MAST4: variants seen among roughly 807,000 people sequenced by gnomAD.
The protein encoded by MAST4 is microtubule associated serine/threonine kinase family member 4, also known as microtubule-associated serine/threonine-protein kinase 4.
MAST4 carries 89 observed loss-of-function variants against 162.7 expected under a neutral mutation model. The observed-to-expected ratio is 0.55, with a 90% CI of 0.46 to 0.65. MAST4 has a LOEUF of 0.65. Ranked by LOEUF, MAST4 falls within the 30% of genes least tolerant of loss-of-function variation. The pLI, the probability that MAST4 is intolerant of heterozygous loss-of-function variation, is 0.00. For synonymous variants in MAST4, 1,479 were observed against 1,361.1 expected (o/e 1.09, Z -1.91); for missense variants, 3,153 against 3,374.0 (o/e 0.93, Z 1.62).
At chr5:66,947,836 C>T (rs1214866943) in intron 4 of MAST4, among the ~76,000 whole-genome samples, 1 of 152,044 alleles carries the variant, frequency 6.6e-6, no homozygotes, top group Non-Finnish European at 1.5e-5. Context: ...CAAGAATTTC[C>T]CCTCTTTAGA....
chr5:66,967,557 C>G (rs758189440), intron 4 of MAST4, among the ~76,000 whole-genome samples: 47 of 151,902 alleles, frequency 3.1e-4, no homozygotes, highest in South Asian at 1.2e-3. Flanking sequence ...TGGGCTGCCT[C>G]ATCAGACCAT....
At chr5:66,735,331 G>A (rs558152819) in intron 1 of MAST4, among the ~76,000 whole-genome samples, 21 of 150,216 alleles carry the variant, frequency 1.4e-4, no homozygotes, top group Non-Finnish European at 2.4e-4. Flanking sequence ...GTTTCATGCA[G>A]GTTTCATTTT....
At chr5:66,858,357 G>A (rs1044486016) in intron 3 of MAST4, among the ~76,000 whole-genome samples, 1 of 152,024 alleles carries the variant, frequency 6.6e-6, no homozygotes, top group African/African-American at 2.4e-5. Context: ...TAATTCATCT[G>A]ATTTTTGAGT....
intron 5 of MAST4, among the ~76,000 whole-genome samples, chr5:67,059,522 G>A (rs562535013): frequency 6.6e-6 from 1 of 152,320 alleles, no homozygotes; most frequent in African/African-American, 2.4e-5. Context: ...AGCTCTAAGA[G>A]TGATACTTAA....
At chr5:66,919,660 G>GA (rs56802433) in intron 4 of MAST4, among the ~76,000 whole-genome samples, 36,010 of 96,752 alleles carry the variant, frequency 0.37, 6,031 homozygotes, top group Non-Finnish European at 0.44. Flanking sequence ...CTCCGTCACA[G>GA]AAAAAAAAAA....
chr5:66,962,333 A>T (rs1299529305), intron 4 of MAST4, among the ~76,000 whole-genome samples: 3 of 152,176 alleles, frequency 2.0e-5, no homozygotes, highest in Non-Finnish European at 4.4e-5. Flanking sequence ...AGTTCTTGCT[A>T]CTCAGGATGC....
chr5:66,695,852 T>C (rs896898166), intron 1 of MAST4, among the ~76,000 whole-genome samples: 3 of 152,094 alleles, frequency 2.0e-5, no homozygotes, highest in African/African-American at 7.2e-5. Context: ...CCATTATTGG[T>C]TATATACCCA....
chr5:66,616,277 C>A (rs1212776563), intron 1 of MAST4, among the ~76,000 whole-genome samples: 2 of 152,142 alleles, frequency 1.3e-5, no homozygotes, highest in African/African-American at 4.8e-5. Flanking sequence ...GTGACCACCC[C>A]CTACCTCCCA....
chr5:67,097,220 T>TA (rs1764565881), intron 7 of MAST4, among the ~76,000 whole-genome samples: 1 of 152,194 alleles, frequency 6.6e-6, no homozygotes, highest in African/African-American at 2.4e-5. Flanking sequence ...GTGAGCTACA[T>TA]AAAATCAGAC....
chr5:67,104,640 T>G (rs969927315), intron 10 of MAST4, 65 bp downstream of exon 10: 11 of 1,317,870 alleles, frequency 8.3e-6, no homozygotes, highest in African/African-American at 1.5e-5. Flanking sequence ...AATTTTTTTT[T>G]GCTTACAAGT....
intron 1 of MAST4, among the ~76,000 whole-genome samples, chr5:66,692,411 C>CTTTTTTTTTT (rs34946179): frequency 6.9e-6 from 1 of 145,420 alleles, no homozygotes. Context: ...CTCTTGCTCT[C>CTTTTTTTTTT]TTTTTTTTTT....
intron 1 of MAST4, among the ~76,000 whole-genome samples, chr5:66,689,437 G>A (rs563051202): frequency 2.0e-4 from 31 of 152,252 alleles, no homozygotes; most frequent in Admixed American, 2.0e-3. Context: ...GCCTACTCTT[G>A]CCATTCCTGT....
intron 3 of MAST4, among the ~76,000 whole-genome samples, chr5:66,848,871 G>A (rs1759090001): frequency 6.6e-6 from 1 of 152,170 alleles, no homozygotes; most frequent in African/African-American, 2.4e-5. Flanking sequence ...CATGGCACGA[G>A]CAGCTGGGAT....
chr5:66,747,374 GAATT>G (rs998452048), intron 1 of MAST4, among the ~76,000 whole-genome samples: 10 of 152,234 alleles, frequency 6.6e-5, no homozygotes, highest in Admixed American at 3.9e-4. Context: ...GTGATTCAGA[GAATT>G]AATTATAAAA....
chr5:66,761,631 A>G (rs1006928898), intron 2 of MAST4, among the ~76,000 whole-genome samples: 2 of 151,280 alleles, frequency 1.3e-5, no homozygotes, highest in African/African-American at 4.9e-5. Flanking sequence ...CAGAAGTGCT[A>G]CTGCCACATG....
intron 3 of MAST4, among the ~76,000 whole-genome samples, chr5:66,841,445 CTG>C (rs1183114244): frequency 6.6e-6 from 1 of 152,156 alleles, no homozygotes; most frequent in Non-Finnish European, 1.5e-5. Context: ...ATGGCATAGA[CTG>C]TGTGGTGTGA....
Position 67,164,572 on chromosome 5 carries a change from TGAA to T in MAST4, c.5395_5397del (p.Lys1799del). ...CTGGAAGGTAGGTCTGTCTCATGCCTGAAGCCGATCGAGGGCACTCTGGACATT... is the reference window on the plus strand; with the variant it reads ...CTGGAAGGTAGGTCTGTCTCATGCCTGCCGATCGAGGGCACTCTGGACATT... On this transcript the variant is annotated inframe_deletion, in exon 29 of 29. Transcript: ENST00000403625. The surrounding 1 kb of genome is among the most constrained non-coding windows in gnomAD (Gnocchi z 5.3). 1 of 1,613,992 alleles carries T rather than the reference TGAA, an allele frequency of 6.2e-7. No individual in the cohort carries two copies. The highest frequency in any genetic ancestry group is 8.5e-7 in the Non-Finnish European group (1 of 1,179,884).
At chr5:66,802,205 T>A (rs1000757676) in intron 3 of MAST4, among the ~76,000 whole-genome samples, 2 of 152,246 alleles carry the variant, frequency 1.3e-5, no homozygotes, top group Non-Finnish European at 2.9e-5. Context: ...AGATTTTAAT[T>A]TGATTTCTAT....
At position 67,058,340 on chromosome 5, in the gene MAST4, T is replaced by G. The variant is rs183110054; in HGVS notation, c.763+3848T>G. Among the ~76,000 whole-genome samples, 72 of 152,332 alleles carry G rather than the reference T, an allele frequency of 4.7e-4. 3 individuals are homozygous for G. Among genetic ancestry groups the G allele is most frequent in the African/African-American group, 1.6e-3 (67 of 41,576 alleles). On this transcript the variant is annotated intron_variant, in intron 5 of 28. Coordinates refer to ENST00000403625, the MANE Select transcript of MAST4 (RefSeq NM_001164664.2). ...ATCTAAGGGTTGATGTGAATTAGTGTAACCATTTTGGTTAGTGGTTTTCAG... is the reference window on the plus strand; with the variant it reads ...ATCTAAGGGTTGATGTGAATTAGTGGAACCATTTTGGTTAGTGGTTTTCAG...
Sources: allele counts gnomAD v4.1 joint callset (sites outside exome capture counted in the v4.1 genomes callset), GRCh38; gene constraint gnomAD v4.1.1; non-coding constraint Gnocchi (gnomAD v3.1); transcripts MANE v1.5; gene names NCBI Gene and HGNC (gene_info 2026-07-23, HGNC 2026-07-21).